Variants in RPRD1A observed in about 807,000 individuals in gnomAD.
RPRD1A encodes the protein regulation of nuclear pre-mRNA domain containing 1A.
A neutral mutation model predicts 37.8 loss-of-function variants in RPRD1A; 9 were observed. The ratio of observed to expected loss-of-function variants is 0.24; its 90% CI spans 0.14 to 0.42. RPRD1A has a LOEUF of 0.42. Ranked by LOEUF, RPRD1A falls within the 10% of genes least tolerant of loss-of-function variation. The pLI is 1.00. For missense variants in RPRD1A, 255 were observed against 371.0 expected, an observed-to-expected ratio of 0.69 and a Z score of 2.57; for synonymous variants, 138 against 139.7, an observed-to-expected ratio of 0.99 and a Z score of 0.08.
intron 1 of RPRD1A, among the ~76,000 whole-genome samples, chr18:36,057,942 A>G (rs909666939): frequency 1.5e-4 from 23 of 152,252 alleles, no homozygotes; most frequent in African/African-American, 5.3e-4. Flanking sequence ...TGTAAGCTCC[A>G]TGAACACAGC....
intron 6 of RPRD1A, among the ~76,000 whole-genome samples, chr18:36,008,779 C>T (rs1030608141): frequency 1.3e-5 from 2 of 151,610 alleles, no homozygotes; most frequent in African/African-American, 4.9e-5. Context: ...ACCACATCAG[C>T]ACAATTTCAG....
chr18:36,003,733 T>C (rs1909561875), intron 6 of RPRD1A, among the ~76,000 whole-genome samples: 1 of 152,232 alleles, frequency 6.6e-6, no homozygotes, highest in Non-Finnish European at 1.5e-5. Context: ...GTATTTTAGT[T>C]AAACTTCTTC....
intron 6 of RPRD1A, among the ~76,000 whole-genome samples, chr18:35,999,798 A>C (rs1909308858): frequency 6.6e-6 from 1 of 152,166 alleles, no homozygotes; most frequent in Non-Finnish European, 1.5e-5. Flanking sequence ...TAGAGAAAAA[A>C]GGTGCAAAGT....
intron 6 of RPRD1A, among the ~76,000 whole-genome samples, chr18:36,022,527 A>G (rs888035212): frequency 6.6e-6 from 1 of 152,226 alleles, no homozygotes; most frequent in South Asian, 2.1e-4. Flanking sequence ...TTCATTTACC[A>G]TTCTGAATAA....
At chr18:36,015,696 T>G (rs906687368) in intron 6 of RPRD1A, among the ~76,000 whole-genome samples, 5 of 152,214 alleles carry the variant, frequency 3.3e-5, no homozygotes, top group African/African-American at 1.2e-4. Flanking sequence ...GAGGGCATTA[T>G]GCTAAAGAAA....
intron 6 of RPRD1A, among the ~76,000 whole-genome samples, chr18:36,005,395 T>C (rs1909687168): frequency 6.6e-6 from 1 of 152,216 alleles, no homozygotes. Context: ...ATTTTAATAA[T>C]GGTTTTCACT....
chr18:36,038,285 G>A (rs2061782285), intron 1 of RPRD1A, among the ~76,000 whole-genome samples: 4 of 152,222 alleles, frequency 2.6e-5, no homozygotes, highest in Admixed American at 2.6e-4. Flanking sequence ...GTTGCTTTGT[G>A]CAATCTCAGG....
chr18:36,015,157 CAT>C lies in RPRD1A; in HGVS notation c.789+11741_789+11742del, dbSNP rs1299148760. Among the ~76,000 whole-genome samples, 818 of 91,882 alleles carry C rather than the reference CAT, an allele frequency of 8.9e-3. 14 individuals carry two copies. Among genetic ancestry groups the C allele is most frequent in the African/African-American group, 0.025 (756 of 30,374 alleles). 60.3% of individuals were successfully genotyped at this position (91,882 alleles called of 152,430 possible). On this transcript the variant is annotated intron_variant, in intron 6 of 6. Transcript: ENST00000399022. The stretch of plus-strand genomic sequence containing the variant: ...ACACACACACACACACACACACACA[CAT>C]ATATACACATATATACACACACACA...
intron 1 of RPRD1A, among the ~76,000 whole-genome samples, chr18:36,056,331 A>G (rs1913766114): frequency 6.6e-6 from 1 of 151,550 alleles, no homozygotes; most frequent in Non-Finnish European, 1.5e-5. Flanking sequence ...TTTGTCTCCC[A>G]GGCTAGAATG....
rs936217163 is a variant in RPRD1A, at chr18:35,990,355, C to T, written c.*2796G>A. The T allele has an allele frequency of 6.6e-6, 1 of 152,126 alleles. No individual in the cohort carries two copies. The highest frequency in any genetic ancestry group is 2.4e-5 in the African/African-American group (1 of 41,410). The allele number at this position is 152,126 out of a possible 1,614,324, so 9.4% of individuals were successfully genotyped here. A position where few individuals can be genotyped will look rare whatever the true frequency, so the allele number is the denominator to read the frequency against. On this transcript the variant is annotated 3_prime_UTR_variant, in exon 7 of 7. Transcript: ENST00000399022. ...TTTTGTGATTTTGCAAATCAAGATG[C>T]CTGGGTCATCCCCACTTTTGCTGAT... is the stretch of plus-strand genomic sequence containing the variant.
intron 1 of RPRD1A, among the ~76,000 whole-genome samples, chr18:36,041,537 C>G (rs889789732): frequency 6.6e-6 from 1 of 152,098 alleles, no homozygotes; most frequent in African/African-American, 2.4e-5. Flanking sequence ...TGTAGTGCAA[C>G]AAACAAATTA....
At chr18:36,028,693 G>C (rs1911550016) in intron 4 of RPRD1A, among the ~76,000 whole-genome samples, 1 of 152,132 alleles carries the variant, frequency 6.6e-6, no homozygotes, top group African/African-American at 2.4e-5. Context: ...CCTACCAGAG[G>C]AGAATGAAAT....
chr18:36,029,422 T>C (rs772344012), intron 4 of RPRD1A, among the ~76,000 whole-genome samples: 30 of 152,296 alleles, frequency 2.0e-4, no homozygotes, highest in South Asian at 8.3e-4. Flanking sequence ...GGCAACCCCA[T>C]GTCTGCTTCG....
chr18:36,008,735 A>G (rs2053549411), intron 6 of RPRD1A, among the ~76,000 whole-genome samples: 1 of 151,590 alleles, frequency 6.6e-6, no homozygotes, highest in Non-Finnish European at 1.5e-5. Flanking sequence ...CATTATGTGC[A>G]ATGGTAGAGC....
chr18:36,059,622 C>G (rs964691348), intron 1 of RPRD1A, among the ~76,000 whole-genome samples: 1 of 151,964 alleles, frequency 6.6e-6, no homozygotes, highest in Non-Finnish European at 1.5e-5. Context: ...GATCCTCAAA[C>G]CAGAAAGTAG....
In RPRD1A at chr18:36,033,705, T is replaced by C; in HGVS notation, c.281+3A>G. On this transcript the variant is annotated splice_donor_region_variant and intron_variant, in intron 2 of 6. Coordinates refer to ENST00000399022, the MANE Select transcript of RPRD1A (RefSeq NM_018170.5). ...TACCTAATACCCAAAACTATGATCA[T>C]ACCTTGAAACATGCTTAAAAGCCTC... is the stretch of plus-strand genomic sequence containing the variant. 1 of 1,606,864 alleles carries C rather than the reference T, an allele frequency of 6.2e-7. No individual in the cohort carries two copies. The highest frequency in any genetic ancestry group is 8.5e-7 in the Non-Finnish European group (1 of 1,176,836).
intron 1 of RPRD1A, among the ~76,000 whole-genome samples, chr18:36,052,227 T>C (rs896074780): frequency 6.8e-6 from 1 of 146,370 alleles, no homozygotes; most frequent in African/African-American, 2.5e-5. Flanking sequence ...AAAGGAGAAA[T>C]TAAGACATTT....
intron 1 of RPRD1A, among the ~76,000 whole-genome samples, chr18:36,045,335 G>A (rs1912877760): frequency 6.6e-6 from 1 of 152,194 alleles, no homozygotes; most frequent in Non-Finnish European, 1.5e-5. Flanking sequence ...AATATGTACT[G>A]TATTTCAGAA....
At chr18:36,007,575 A>G (rs1428347249) in intron 6 of RPRD1A, among the ~76,000 whole-genome samples, 3 of 152,172 alleles carry the variant, frequency 2.0e-5, no homozygotes. Context: ...TGCTTGACAG[A>G]TTTAAGGGAA....
Sources: allele counts gnomAD v4.1 joint callset (sites outside exome capture counted in the v4.1 genomes callset), GRCh38; gene constraint gnomAD v4.1.1; transcripts MANE v1.5; gene names NCBI Gene and HGNC (gene_info 2026-07-23, HGNC 2026-07-21).